The following TYRO3 variants were observed in gnomAD, a reference collection of about 807,000 sequenced individuals.
The protein encoded by TYRO3 is tyrosine-protein kinase receptor TYRO3.
A neutral mutation model predicts 95.2 loss-of-function variants in TYRO3; 38 were observed. The observed-to-expected ratio is 0.40, with a 90% CI of 0.31 to 0.52. The LOEUF (loss-of-function observed/expected upper bound fraction) is 0.52, where lower values mean the gene tolerates loss of function less well. TYRO3 is among the 20% of genes least tolerant of loss of function. TYRO3 has a pLI of 0.56. For synonymous variants in TYRO3, 367 were observed against 432.9 expected (o/e 0.85, Z 1.89); for missense variants, 812 against 1,116.4 (o/e 0.73, Z 3.89).
In TYRO3 at chr15:41,583,029, C is replaced by T. The variant is rs2055938758; in HGVS notation, c.*4753C>T. On this transcript the variant is annotated 3_prime_UTR_variant, in exon 19 of 19. Coordinates refer to ENST00000263798, the MANE Select transcript of TYRO3 (RefSeq NM_006293.4). ...TTTTTTTTTAATACAGAGCCTTGCT[C>T]TGTCGCCCAGGCTGGAGTGCAGTGG... The T allele has an allele frequency of 2.6e-5, 2 of 77,720 alleles. No individual in the cohort carries two copies. Among genetic ancestry groups the T allele is most frequent in the Admixed American group, 3.6e-4 (2 of 5,558 alleles). 4.8% of individuals were successfully genotyped at this position (77,720 alleles called of 1,614,324 possible). A position where few individuals can be genotyped will look rare whatever the true frequency, so the allele number is the denominator to read the frequency against.
rs2055890887 is a variant in TYRO3 at position 41,578,642 on chromosome 15, C to A, written c.*366C>A. 1.2e-5 allele frequency: 4 copies of A among 322,198 alleles called. No homozygotes were observed. Among genetic ancestry groups the A allele is most frequent in the Non-Finnish European group, 2.3e-5 (4 of 176,494 alleles). 20.0% of individuals were successfully genotyped at this position (322,198 alleles called of 1,614,324 possible). On this transcript the variant is annotated 3_prime_UTR_variant, in exon 19 of 19. Coordinates refer to ENST00000263798, the MANE Select transcript of TYRO3 (RefSeq NM_006293.4). ...GGGCCCTACCCTCCTGCTGAGCTGC[C>A]CCTGCTGCTTAAGTGCATGCATTGA...
At position 41,565,107 on chromosome 15, in the gene TYRO3, A is replaced by G; in HGVS notation, c.749A>G (p.Asp250Gly). 6.2e-7 allele frequency: 1 copy of G among 1,613,154 alleles called. No individual in the cohort carries two copies. The highest frequency in any genetic ancestry group is 2.2e-5 in the East Asian group (1 of 44,870). ...AGTGTGGCCTGGATGCCAGGTGCTG[A>G]TGGCCGAGCTCTGCTACAGTCCTGT... is the stretch of plus-strand genomic sequence containing the variant. ...NASVAWMPGA[D>G]GRALLQSCTV... The change falls in exon 6 of 19, where the codon GAT becomes GGT. Residue 250 changes from aspartate to glycine, a missense_variant. By Grantham distance (94) the Asp-to-Gly change is moderately conservative. Coordinates refer to ENST00000263798, the MANE Select transcript of TYRO3 (RefSeq NM_006293.4).
intron 9 of TYRO3, among the ~76,000 whole-genome samples, chr15:41,569,299 A>T (rs1305410262): frequency 4.2e-5 from 2 of 47,750 alleles, no homozygotes; most frequent in Admixed American, 1.9e-4. Flanking sequence ...AAAAAAATTA[A>T]AAAAAAAAAA....
Position 41,578,321 on chromosome 15 carries a change from C to T in TYRO3, c.*45C>T. 1 of 1,609,602 alleles carries T rather than the reference C, an allele frequency of 6.2e-7. No homozygotes were observed. Among genetic ancestry groups the T allele is most frequent in the Non-Finnish European group, 8.5e-7 (1 of 1,178,250 alleles). On this transcript the variant is annotated 3_prime_UTR_variant, in exon 19 of 19. Coordinates refer to ENST00000263798, the MANE Select transcript of TYRO3 (RefSeq NM_006293.4). ...GGGGCCATTTGGCCGGCTCTGGTGG[C>T]CACTGAGCTGGCTGACTAAGCCCCG...
At chr15:41,572,023 T>C (rs926531632) in intron 14 of TYRO3, among the ~76,000 whole-genome samples, 6 of 149,650 alleles carry the variant, frequency 4.0e-5, no homozygotes, top group South Asian at 2.1e-4. Flanking sequence ...ACAAAAAACA[T>C]ACACACACAC....
intron 16 of TYRO3, 22 bp from the exon 17 acceptor site, chr15:41,573,286 T>A (rs780462187): frequency 2.1e-5 from 26 of 1,242,416 alleles, no homozygotes; most frequent in Non-Finnish European, 2.8e-5. Flanking sequence ...AGGCTGACTC[T>A]CTCCCTCAAT....
intron 7 of TYRO3, 96 bp downstream of exon 7, chr15:41,567,633 G>T: frequency 8.5e-7 from 1 of 1,173,196 alleles, no homozygotes; most frequent in Non-Finnish European, 1.1e-6. Flanking sequence ...AGAGATGGAG[G>T]TTCAGGCATC....
rs1228822418 is a variant in TYRO3 at position 41,570,323 on chromosome 15, A to C, written c.1466A>C (p.Glu489Ala). 1 of 1,614,060 alleles carries C rather than the reference A, an allele frequency of 6.2e-7. No individual in the cohort carries two copies. The highest frequency in any genetic ancestry group is 2.2e-5 in the East Asian group (1 of 44,878). Reference protein sequence around the residue: ...AARSFNRERPERIEATLDSLG... With the variant: ...AARSFNRERPARIEATLDSLG... ...CGGTCCTTCAATCGAGAAAGGCCCG[A>C]GCGCATCGAGGCCACATGTGAGTGG... The change falls in exon 11 of 19, where the codon GAG (glutamate) becomes GCG (alanine). Residue 489 changes from glutamate to alanine, a missense_variant. Physicochemically the swap from Glu to Ala is moderately radical, Grantham distance 107. Transcript: ENST00000263798.
At chr15:41,561,512 A>C in intron 2 of TYRO3, 27 bp from the exon 3 acceptor site, 1 of 1,256,994 alleles carries the variant, frequency 8.0e-7, no homozygotes, top group Admixed American at 2.4e-5. Context: ...TGCCCTCGGA[A>C]GCAAGCCTCG....
intron 15 of TYRO3, 148 bp downstream of exon 15, chr15:41,572,712 A>C: frequency 9.2e-7 from 1 of 1,081,440 alleles, no homozygotes. Context: ...GAATCCTTTT[A>C]ATCTAGCAGG....
intron 9 of TYRO3, among the ~76,000 whole-genome samples, chr15:41,569,304 A>T (rs2140827721): frequency 6.6e-6 from 1 of 151,954 alleles, no homozygotes; most frequent in East Asian, 1.9e-4. Flanking sequence ...AATTAAAAAA[A>T]AAAAAAAAAA....
chr15:41,561,433 A>T, intron 2 of TYRO3, 106 bp from the exon 3 acceptor site: 1 of 1,398,936 alleles, frequency 7.1e-7, no homozygotes, highest in African/African-American at 1.5e-5. Flanking sequence ...TTATTTGGCT[A>T]CCTGTGGGAC....
chr15:41,576,294 A>G (rs2055859482), intron 18 of TYRO3, among the ~76,000 whole-genome samples: 1 of 151,754 alleles, frequency 6.6e-6, no homozygotes, highest in Non-Finnish European at 1.5e-5. Flanking sequence ...CCTGGATTCA[A>G]GCGATTCTCG....
At chr15:41,574,218 G>A (rs1306975811) in intron 18 of TYRO3, among the ~76,000 whole-genome samples, 2 of 151,760 alleles carry the variant, frequency 1.3e-5, no homozygotes, top group East Asian at 3.9e-4. Context: ...CTTTGTCCTG[G>A]AGACCCCAGC....
intron 18 of TYRO3, chr15:41,574,558 A>G: frequency 2.3e-6 from 1 of 443,096 alleles, no homozygotes; most frequent in African/African-American, 2.0e-5. Flanking sequence ...TCACAGAGCT[A>G]GTAAGTGAAT....
At chr15:41,571,173 G>T in intron 13 of TYRO3, 55 bp downstream of exon 13, 2 of 1,535,958 alleles carry the variant, frequency 1.3e-6, no homozygotes, top group South Asian at 2.2e-5. Flanking sequence ...TAAGAGGGGC[G>T]ACTGACCCTG....
chr15:41,569,906 C>T (rs1182034447), intron 9 of TYRO3, 121 bp from the exon 10 acceptor site: 12 of 1,298,148 alleles, frequency 9.2e-6, no homozygotes, highest in Middle Eastern at 2.8e-4. Context: ...AGCCCCTTTC[C>T]CTCAGGACCC....
At chr15:41,574,561 A>C (rs1595505739) in intron 18 of TYRO3, 1 of 443,664 alleles carries the variant, frequency 2.3e-6, no homozygotes, top group East Asian at 7.0e-5. Context: ...CAGAGCTAGT[A>C]AGTGAATAAG....
intron 7 of TYRO3, 89 bp from the exon 8 acceptor site, chr15:41,568,128 A>G: frequency 6.5e-7 from 1 of 1,546,726 alleles, no homozygotes; most frequent in Non-Finnish European, 8.8e-7. Flanking sequence ...AGAGCTGTTT[A>G]GTTCTTGGGA....
Sources: gnomAD v4.1 joint callset for allele counts (sites outside exome capture counted in the v4.1 genomes callset) on GRCh38, gnomAD v4.1.1 for gene constraint, MANE v1.5 for transcripts, NCBI Gene and HGNC (gene_info 2026-07-23, HGNC 2026-07-21) for gene names.